The following FLT4 variants were observed in gnomAD, a reference collection of about 807,000 sequenced individuals.
FLT4 encodes fms related receptor tyrosine kinase 4.
In FLT4, 30 loss-of-function variants were observed where a neutral mutation model predicts 163.2. The ratio of observed to expected loss-of-function variants is 0.18; its 90% CI spans 0.14 to 0.25. The LOEUF (loss-of-function observed/expected upper bound fraction) is 0.25, where lower values mean the gene tolerates loss of function less well. Among genes scored for constraint, FLT4 ranks in the 10% least tolerant of loss-of-function variants. FLT4 has a pLI of 1.00. For synonymous variants in FLT4, 884 were observed against 789.5 expected (o/e 1.12, Z -2.01); for missense variants, 1,510 against 1,863.8 (o/e 0.81, Z 3.50).
rs1761975926 is a variant in FLT4, at chr5:180,609,047, G to GT, written c.3813_3814insA (p.Gln1272ThrfsTer14). 6.2e-7 allele frequency: 1 copy of GT among 1,614,036 alleles called. No individual in the cohort carries two copies. Among genetic ancestry groups the GT allele is most frequent in the African/African-American group, 1.3e-5 (1 of 74,940 alleles). ...GCCAGCACCATCCCACTGTCTGTCTGGTTGTCCTGTGTGGAGAGGACAAGC... is the reference window on the plus strand; with the variant it reads ...GCCAGCACCATCCCACTGTCTGTCTGTGTTGTCCTGTGTGGAGAGGACAAGC... On this transcript the variant is annotated frameshift_variant, in exon 29 of 30. Transcript: ENST00000261937. LOFTEE classifies it high-confidence loss of function.
intron 1 of FLT4, among the ~76,000 whole-genome samples, chr5:180,638,868 C>T (rs1344294595): frequency 6.6e-6 from 1 of 152,218 alleles, no homozygotes; most frequent in Non-Finnish European, 1.5e-5. Context: ...CTGTCCATGT[C>T]CTCCAATAGG....
intron 10 of FLT4, 118 bp from the exon 11 acceptor site, chr5:180,624,179 A>T: frequency 1.7e-6 from 2 of 1,161,722 alleles, no homozygotes; most frequent in Non-Finnish European, 2.5e-6. Context: ...GTCGTGGGCG[A>T]GGCTGGCCCT....
chr5:180,613,595 C>T (rs921092442), intron 24 of FLT4: 14 of 272,554 alleles, frequency 5.1e-5, no homozygotes, highest in Non-Finnish European at 8.5e-5. Flanking sequence ...CGAGCTCCCA[C>T]GCCTCCTACA....
chr5:180,621,211 G>C lies in FLT4; in HGVS notation c.2062C>G (p.Leu688Val). The C allele has an allele frequency of 1.2e-6, 2 of 1,612,806 alleles. No individual in the cohort carries two copies. The highest frequency in any genetic ancestry group is 1.7e-6 in the Non-Finnish European group (2 of 1,179,950). The change falls in exon 14 of 30, where the codon CTG (leucine) becomes GTG (valine). Residue 688 changes from leucine (L) to valine (V), a missense_variant. Leu to Val is a conservative substitution (Grantham distance 32, BLOSUM62 1). This residue lies in a region of FLT4 where 878 missense variants were observed against 1,016.7 expected (regional missense o/e 0.86). Coordinates refer to ENST00000261937, the MANE Select transcript of FLT4 (RefSeq NM_182925.5). ...TCCAGCGAGTCGCTCACGTTCACCAGGAGGTCGGTCAAGTTCTGCGTGAGC... is the reference window on the plus strand; with the variant it reads ...TCCAGCGAGTCGCTCACGTTCACCACGAGGTCGGTCAAGTTCTGCGTGAGC... ...PRLTQNLTDL[L>V]VNVSDSLEMQ...
rs1440352092 is a variant in FLT4 at position 180,601,539 on chromosome 5, A to C, written c.*1653T>G. 1 of 231,300 alleles carries C rather than the reference A, an allele frequency of 4.3e-6. No homozygotes were observed. Among genetic ancestry groups the C allele is most frequent in the Non-Finnish European group, 8.5e-6 (1 of 117,034 alleles). The allele number at this position is 231,300 out of a possible 1,614,324, so 14.3% of individuals were successfully genotyped here. A position where few individuals can be genotyped will look rare whatever the true frequency, so the allele number is the denominator to read the frequency against. ...ACACACAAAGACCGGCATCAGATTT[A>C]TTATTATCTCTTGTTAAATATTTTC... is the stretch of plus-strand genomic sequence containing the variant. On this transcript the variant is annotated 3_prime_UTR_variant, in exon 30 of 30. Coordinates refer to ENST00000261937, the MANE Select transcript of FLT4 (RefSeq NM_182925.5).
chr5:180,610,090 A>G (rs1408781311), intron 27 of FLT4, 65 bp from the exon 28 acceptor site: 2 of 1,609,642 alleles, frequency 1.2e-6, no homozygotes, highest in Middle Eastern at 3.3e-4. Context: ...ACTTCTCTCC[A>G]CTGTCCCTGT....
intron 1 of FLT4, among the ~76,000 whole-genome samples, chr5:180,632,870 T>A (rs1286882883): frequency 6.6e-6 from 1 of 151,994 alleles, no homozygotes; most frequent in Non-Finnish European, 1.5e-5. Context: ...GGCAGATGCA[T>A]CCTGCCGGGG....
rs1762901943 is a variant in FLT4, at chr5:180,619,014, C to G, written c.2850+7G>C. 1.3e-6 allele frequency: 2 copies of G among 1,548,116 alleles called. No homozygotes were observed. Among genetic ancestry groups the G allele is most frequent in the African/African-American group, 1.4e-5 (1 of 72,952 alleles). ...CGCCCGCGGCGCCCCGCAGGCCGCC[C>G]GCTCACCGCGCAGGGGCTGAAGGCG... On this transcript the variant is annotated splice_region_variant and intron_variant, in intron 20 of 29. Coordinates refer to ENST00000261937, the MANE Select transcript of FLT4 (RefSeq NM_182925.5).
At chr5:180,635,901 A>ATGGG (rs1182210880) in intron 1 of FLT4, among the ~76,000 whole-genome samples, 2 of 50,962 alleles carry the variant, frequency 3.9e-5, no homozygotes, top group African/African-American at 1.6e-4. Flanking sequence ...GTATGGGTGG[A>ATGGG]TGGGTGGGTG....
Position 180,630,903 on chromosome 5 carries a change from G to C in FLT4, c.156-104C>G. On this transcript the variant is annotated intron_variant, in intron 2 of 29. Coordinates refer to ENST00000261937, the MANE Select transcript of FLT4 (RefSeq NM_182925.5). The surrounding 1 kb of genome is among the most constrained non-coding windows in gnomAD (Gnocchi z 6.3). ...AGCCTCACCAGGTTTGTCTTACCCA[G>C]AGCATGGAACTGCCCAGGGTTTGGG... The C allele has an allele frequency of 1.4e-6, 2 of 1,386,968 alleles. No individual in the cohort carries two copies. Among genetic ancestry groups the C allele is most frequent in the East Asian group, 2.5e-5 (1 of 40,024 alleles). The allele number at this position is 1,386,968 out of a possible 1,614,324, so 85.9% of individuals were successfully genotyped here.
rs1466649601 is a variant in FLT4 at position 180,619,304 on chromosome 5, C to G, written c.2710G>C (p.Gly904Arg). ...MSELKILIHI[G>R]NHLNVVNLLG... ...AGGTTGACCACGTTGAGGTGGTTGC[C>G]GATGTGAATGAGGATCTTGAGCTCC... The change falls in exon 19 of 30, where the codon GGC becomes CGC. Residue 904 changes from glycine (G) to arginine (R), a missense_variant. This residue lies in a region of FLT4 where 878 missense variants were observed against 1,016.7 expected (regional missense o/e 0.86). Transcript: ENST00000261937. 1.2e-6 allele frequency: 2 copies of G among 1,611,334 alleles called. No homozygotes were observed. The highest frequency in any genetic ancestry group is 1.7e-5 in the Admixed American group (1 of 59,996).
At position 180,645,591 on chromosome 5, in the gene FLT4, C is replaced by G. The variant is rs377040581; in HGVS notation, c.58+3897G>C. On this transcript the variant is annotated intron_variant, in intron 1 of 29. Transcript: ENST00000261937. The stretch of plus-strand genomic sequence containing the variant: ...CTCGCCGGCCACGTGGCGGGCCTCC[C>G]CTACTCACCACCTGGATCTACCCAG... 2.3e-3 allele frequency among the ~76,000 whole-genome samples: 352 copies of G among 152,012 alleles called. 3 individuals are homozygous for G. Among genetic ancestry groups the G allele is most frequent in the African/African-American group, 8.1e-3 (334 of 41,444 alleles).
chr5:180,638,542 G>C (rs1413999522), intron 1 of FLT4, among the ~76,000 whole-genome samples: 4 of 152,210 alleles, frequency 2.6e-5, no homozygotes, highest in African/African-American at 9.7e-5. Context: ...AAAAAGCACA[G>C]GCCTGATCAC....
At chr5:180,612,156 G>A (rs138005807) in intron 26 of FLT4, among the ~76,000 whole-genome samples, 33 of 152,330 alleles carry the variant, frequency 2.2e-4, no homozygotes, top group Non-Finnish European at 4.1e-4. Context: ...TCAGTGGAGT[G>A]GGGGACAGAA....
chr5:180,613,046 T>C lies in FLT4; in HGVS notation c.3396A>G (p.Thr1132=), dbSNP rs1402345952. 6.2e-7 allele frequency: 1 copy of C among 1,613,620 alleles called. No homozygotes were observed. Among genetic ancestry groups the C allele is most frequent in the Non-Finnish European group, 8.5e-7 (1 of 1,179,728 alleles). ...EEFCQRLRDG[T]RMRAPELATP... ...TGGCCAGCTCCGGGGCCCTCATCCT[T>C]GTGCCGTCTCTCAGCCGCTGGCAGA... Residue 1132 remains threonine (T), a synonymous_variant, in exon 25 of 30, where the codon ACA becomes ACG. Coordinates refer to ENST00000261937, the MANE Select transcript of FLT4 (RefSeq NM_182925.5).
In FLT4 at chr5:180,616,889, G is replaced by C. The variant is rs766329849; in HGVS notation, c.3096+11C>G. ...CTTTTCCCGTCTGAAGGGCCTTCGGGGGAAGCTCACCTTTCGGGAAGCCAG... is the reference window on the plus strand; with the variant it reads ...CTTTTCCCGTCTGAAGGGCCTTCGGCGGAAGCTCACCTTTCGGGAAGCCAG... On this transcript the variant is annotated intron_variant, in intron 22 of 29. Coordinates refer to ENST00000261937, the MANE Select transcript of FLT4 (RefSeq NM_182925.5). 2 of 1,609,398 alleles carry C rather than the reference G, an allele frequency of 1.2e-6. No homozygotes were observed. The highest frequency in any genetic ancestry group is 1.7e-6 in the Non-Finnish European group (2 of 1,176,290).
At chr5:180,644,021 C>T (rs1435467417) in intron 1 of FLT4, among the ~76,000 whole-genome samples, 1 of 152,164 alleles carries the variant, frequency 6.6e-6, no homozygotes, top group Admixed American at 6.5e-5. Context: ...GGGGTTTCAC[C>T]GTGTTGGCCA....
chr5:180,608,147 C>A (rs2127786386), intron 29 of FLT4: 1 of 700,458 alleles, frequency 1.4e-6, no homozygotes, highest in Non-Finnish European at 2.6e-6. Context: ...CTCCTCTTGT[C>A]CTCCTGGTTC....
intron 1 of FLT4, among the ~76,000 whole-genome samples, chr5:180,641,804 T>C (rs1765135576): frequency 6.6e-6 from 1 of 152,220 alleles, no homozygotes; most frequent in African/African-American, 2.4e-5. Flanking sequence ...CTCTTTGCTG[T>C]ATGGTCTTGG....
Sources: gnomAD v4.1 joint callset for allele counts (sites outside exome capture counted in the v4.1 genomes callset) on GRCh38, gnomAD v4.1.1 for gene constraint, gnomAD v4.1.1 regional missense constraint, Gnocchi (gnomAD v3.1) non-coding constraint, MANE v1.5 for transcripts, NCBI Gene and HGNC (gene_info 2026-07-23, HGNC 2026-07-21) for gene names.